The following WDR19 variants were observed in gnomAD, a reference collection of about 807,000 sequenced individuals.
WDR19 encodes the protein WD repeat-containing protein 19.
WDR19 carries 121 observed loss-of-function variants against 180.0 expected under a neutral mutation model. That is an observed-to-expected ratio of 0.67 (90% CI 0.58 to 0.78). WDR19 has a LOEUF of 0.78. WDR19 is among the 30% of genes least tolerant of loss of function. The pLI is 0.00. For synonymous variants in WDR19, 497 were observed against 540.7 expected (o/e 0.92, Z 1.12); for missense variants, 1,450 against 1,640.7 (o/e 0.88, Z 2.01).
chr4:39,283,673 TTG>T (rs1272962328), intron 36 of WDR19, among the ~76,000 whole-genome samples: 4 of 152,128 alleles, frequency 2.6e-5, no homozygotes, highest in Admixed American at 1.3e-4. Context: ...TTTTCTTTAG[TTG>T]TGTCTTTTTA....
At chr4:39,205,361 C>T in intron 8 of WDR19, 95 bp downstream of exon 8, 1 of 1,273,784 alleles carries the variant, frequency 7.9e-7, no homozygotes, top group South Asian at 1.4e-5. Context: ...TTGTTTGTAA[C>T]ATTCAATTCT....
intron 24 of WDR19, among the ~76,000 whole-genome samples, chr4:39,251,973 A>G (rs1014212415): frequency 3.3e-5 from 5 of 152,220 alleles, no homozygotes; most frequent in African/African-American, 1.2e-4. Flanking sequence ...ATCTAGAACT[A>G]GAAACACCAT....
rs1192275734 is a variant in WDR19 at position 39,216,343 on chromosome 4, G to T, written c.1249+133G>T. 2.4e-5 allele frequency: 18 copies of T among 761,016 alleles called. No homozygotes were observed. In the South Asian group the frequency reaches 2.9e-4, roughly 12 times the overall value. 47.1% of individuals were successfully genotyped at this position (761,016 alleles called of 1,614,324 possible). ...CACATATCTCATTCTTAGCTTAAAT[G>T]GTTTTGTAAGTCTTCTAAAAATTTG... On this transcript the variant is annotated intron_variant, in intron 12 of 36. Transcript: ENST00000399820.
chr4:39,254,128 T>C (rs771016026), intron 26 of WDR19, 98 bp downstream of exon 26: 311 of 1,237,054 alleles, frequency 2.5e-4, no homozygotes, highest in Non-Finnish European at 3.2e-4. Context: ...CATACAAGAA[T>C]GCGCCTGGTG....
intron 28 of WDR19, among the ~76,000 whole-genome samples, chr4:39,259,654 G>C (rs1486465779): frequency 1.3e-5 from 2 of 152,120 alleles, no homozygotes; most frequent in African/African-American, 4.8e-5. Context: ...CAGTTGGTGG[G>C]CATTTGTTGT....
intron 26 of WDR19, among the ~76,000 whole-genome samples, chr4:39,254,929 TA>T (rs1316330197): frequency 2.6e-5 from 4 of 152,208 alleles, no homozygotes; most frequent in African/African-American, 9.6e-5. Flanking sequence ...GAAATGACCA[TA>T]AGAATTGATG....
chr4:39,242,939 A>G (rs1434088417), intron 21 of WDR19, among the ~76,000 whole-genome samples: 1 of 152,142 alleles, frequency 6.6e-6, no homozygotes, highest in Non-Finnish European at 1.5e-5. Context: ...AAGTGCTGGG[A>G]TAATAGGCTT....
rs549965544 is a variant in WDR19 at position 39,263,588 on chromosome 4, T to A, written c.3184-2475T>A. Among the ~76,000 whole-genome samples the A allele has an allele frequency of 2.0e-5, 3 of 152,198 alleles. No homozygotes were observed. In the East Asian group the frequency reaches 5.8e-4, roughly 29 times the overall value. ...GTCTGTCCTGACACTTCAAGTGTGC[T>A]CCACTCTCCCTGGGGGCAGCTGCCA... On this transcript the variant is annotated intron_variant, in intron 28 of 36. Coordinates refer to ENST00000399820, the MANE Select transcript of WDR19 (RefSeq NM_025132.4).
In WDR19 at chr4:39,240,343, G is replaced by A; in HGVS notation, c.2421+9G>A. The stretch of plus-strand genomic sequence containing the variant: ...TAACAGGTGATAATAAGGTAACCTT[G>A]GATAAAGATAAGATATGCCTAATTA... On this transcript the variant is annotated intron_variant, in intron 21 of 36. Transcript: ENST00000399820. 1 of 1,415,348 alleles carries A rather than the reference G, an allele frequency of 7.1e-7. No individual in the cohort carries two copies. The highest frequency in any genetic ancestry group is 9.3e-7 in the Non-Finnish European group (1 of 1,077,108). The allele number at this position is 1,415,348 out of a possible 1,614,324, so 87.7% of individuals were successfully genotyped here.
intron 20 of WDR19, chr4:39,237,710 T>C (rs1382812449): frequency 3.9e-5 from 6 of 152,230 alleles, no homozygotes; most frequent in African/African-American, 1.4e-4. Flanking sequence ...TATAAATGCC[T>C]ATACCAAAAA....
At chr4:39,263,464 C>T (rs996532352) in intron 28 of WDR19, among the ~76,000 whole-genome samples, 1 of 152,132 alleles carries the variant, frequency 6.6e-6, no homozygotes, top group Admixed American at 6.5e-5. Flanking sequence ...GGCCCCTCTG[C>T]CCCTTCAATG....
Position 39,218,117 on chromosome 4 carries a change from CT to C in WDR19, c.1479+14del. 6.3e-7 allele frequency: 1 copy of C among 1,590,254 alleles called. No homozygotes were observed. The highest frequency in any genetic ancestry group is 8.6e-7 in the Non-Finnish European group (1 of 1,168,732). On this transcript the variant is annotated intron_variant, in intron 14 of 36. Transcript: ENST00000399820. ...TCTATGGTACAGATGTATGTATTGC[CT>C]TCTTTTTTAGAGAACACTGGGAATT...
At chr4:39,196,600 T>C (rs1303263921) in intron 5 of WDR19, among the ~76,000 whole-genome samples, 1 of 152,212 alleles carries the variant, frequency 6.6e-6, no homozygotes, top group African/African-American at 2.4e-5. Flanking sequence ...AGACATTTTC[T>C]ACCTTAATTT....
intron 28 of WDR19, among the ~76,000 whole-genome samples, chr4:39,261,317 A>G (rs1734277647): frequency 6.6e-6 from 1 of 151,810 alleles, no homozygotes; most frequent in African/African-American, 2.4e-5. Context: ...TGGTGTTAAG[A>G]TTGATTATTG....
chr4:39,278,202 G>A lies in WDR19; in HGVS notation c.3912G>A (p.Leu1304=), dbSNP rs758476933. The A allele has an allele frequency of 5.0e-6, 8 of 1,601,648 alleles. No individual in the cohort carries two copies. The African/African-American group carries it at 8.0e-5, about 16-fold the overall frequency. The change falls in exon 35 of 37, where the codon TTG becomes TTA. Residue 1304 remains leucine, a synonymous_variant. Coordinates refer to ENST00000399820, the MANE Select transcript of WDR19 (RefSeq NM_025132.4). ...HCDFPALYSE[L]KIMLNTESTC... is the part of the protein sequence containing the mutation. ...ACTTCCCTGCTCTATACTCAGAATT[G>A]AAGATGTAAGTGTGCATCACGTCAC...
chr4:39,194,205 C>A (rs1726475908), intron 4 of WDR19, among the ~76,000 whole-genome samples: 1 of 152,130 alleles, frequency 6.6e-6, no homozygotes, highest in Non-Finnish European at 1.5e-5. Context: ...GTTTCACCAT[C>A]CATTAATATT....
intron 9 of WDR19, among the ~76,000 whole-genome samples, chr4:39,206,803 C>T (rs1263792002): frequency 3.9e-5 from 6 of 152,198 alleles, no homozygotes; most frequent in African/African-American, 1.4e-4. Context: ...ACTGCAAAGG[C>T]GTTGAAAATA....
Position 39,277,062 on chromosome 4 carries a change from T to C in WDR19, c.3759T>C (p.Cys1253=), listed in dbSNP as rs1379376013. ...ISEIEEATTP[C]PFCKFLLPEC... ...AGATAGAAGAGGCCACGACTCCATG[T>C]CCATTCTGCAAATTTCTTCTCCCAG... Residue 1253 remains cysteine (C), a synonymous_variant, in exon 34 of 37, where the codon TGT becomes TGC. Coordinates refer to ENST00000399820, the MANE Select transcript of WDR19 (RefSeq NM_025132.4). 1.9e-6 allele frequency: 3 copies of C among 1,613,992 alleles called. No individual in the cohort carries two copies. The highest frequency in any genetic ancestry group is 1.7e-5 in the Admixed American group (1 of 60,028).
At chr4:39,215,722 C>T in intron 10 of WDR19, 119 bp from the exon 11 acceptor site, 1 of 1,067,580 alleles carries the variant, frequency 9.4e-7, no homozygotes, top group South Asian at 2.1e-5. Flanking sequence ...ACTACTTAAA[C>T]TAGTAAGGAA....
Sources: allele counts gnomAD v4.1 joint callset (sites outside exome capture counted in the v4.1 genomes callset), GRCh38; gene constraint gnomAD v4.1.1; transcripts MANE v1.5; gene names NCBI Gene and HGNC (gene_info 2026-07-23, HGNC 2026-07-21).